Variants in GRID2 observed in about 807,000 individuals in gnomAD.
GRID2 encodes the protein glutamate ionotropic receptor delta type subunit 2, also known as glutamate receptor ionotropic, delta-2.
GRID2 carries 33 observed loss-of-function variants against 114.8 expected under a neutral mutation model. The ratio of observed to expected loss-of-function variants is 0.29; its 90% CI spans 0.22 to 0.38. The LOEUF is 0.38. Ranked by LOEUF, GRID2 falls within the 10% of genes least tolerant of loss-of-function variation. The pLI is 1.00. For missense variants in GRID2, 1,184 were observed against 1,257.7 expected, an observed-to-expected ratio of 0.94 and a Z score of 0.89; for synonymous variants, 505 against 449.9, an observed-to-expected ratio of 1.12 and a Z score of -1.55.
chr4:93,170,381 GC>G (rs887690096), intron 4 of GRID2, among the ~76,000 whole-genome samples: 31 of 151,578 alleles, frequency 2.0e-4, no homozygotes, highest in Non-Finnish European at 4.0e-4. Flanking sequence ...ACTGTGCTGG[GC>G]CCCCCCCTTT....
At chr4:93,199,386 C>T (rs952043042) in intron 4 of GRID2, among the ~76,000 whole-genome samples, 6 of 152,162 alleles carry the variant, frequency 3.9e-5, no homozygotes, top group Admixed American at 3.3e-4. Context: ...ATGATGAATG[C>T]AGTCTATCTC....
At chr4:93,158,499 T>C (rs1280541985) in intron 4 of GRID2, among the ~76,000 whole-genome samples, 2 of 151,716 alleles carry the variant, frequency 1.3e-5, no homozygotes, top group African/African-American at 4.8e-5. Context: ...ATGTGGTTTT[T>C]TAAAACTCTC....
At chr4:92,903,721 G>A (rs1747749842) in intron 2 of GRID2, among the ~76,000 whole-genome samples, 1 of 151,846 alleles carries the variant, frequency 6.6e-6, no homozygotes, top group Non-Finnish European at 1.5e-5. Context: ...TGTTTGAGGC[G>A]AGTTGATAAG....
intron 2 of GRID2, among the ~76,000 whole-genome samples, chr4:92,773,720 C>T (rs1009756980): frequency 2.0e-5 from 3 of 151,798 alleles, no homozygotes; most frequent in Admixed American, 2.0e-4. Context: ...TTTTATCTAT[C>T]TATTTTAAAG....
chr4:93,230,099 T>A (rs559651393), intron 7 of GRID2, among the ~76,000 whole-genome samples: 1 of 152,168 alleles, frequency 6.6e-6, no homozygotes, highest in South Asian at 2.1e-4. Context: ...TCTTCACACA[T>A]ATTTTCATTC....
chr4:92,738,570 T>A (rs1261740019), intron 2 of GRID2, among the ~76,000 whole-genome samples: 1 of 152,204 alleles, frequency 6.6e-6, no homozygotes, highest in African/African-American at 2.4e-5. Flanking sequence ...TTAATGTTTT[T>A]AAATTTTGAT....
intron 2 of GRID2, among the ~76,000 whole-genome samples, chr4:93,008,807 C>A (rs1721827547): frequency 6.6e-6 from 1 of 151,994 alleles, no homozygotes; most frequent in Non-Finnish European, 1.5e-5. Context: ...ATTTCTCCTT[C>A]CAAATGAATC....
At chr4:92,653,732 C>T (rs1275619016) in intron 2 of GRID2, among the ~76,000 whole-genome samples, 13 of 152,074 alleles carry the variant, frequency 8.5e-5, no homozygotes, top group Non-Finnish European at 1.5e-5. Context: ...GGAACAACAT[C>T]TTCACTATTT....
At chr4:92,408,189 A>G (rs1560611799) in intron 1 of GRID2, among the ~76,000 whole-genome samples, 1 of 152,218 alleles carries the variant, frequency 6.6e-6, no homozygotes, top group Non-Finnish European at 1.5e-5. Context: ...AGAACCATTT[A>G]TTGAATAGGG....
chr4:92,814,330 A>G (rs992021365), intron 2 of GRID2, among the ~76,000 whole-genome samples: 8 of 152,188 alleles, frequency 5.3e-5, no homozygotes, highest in South Asian at 2.1e-4. Flanking sequence ...ATTAGCTAGT[A>G]ATAACTAAAG....
At chr4:92,827,815 ATTAT>A (rs1741832453) in intron 2 of GRID2, among the ~76,000 whole-genome samples, 1 of 152,076 alleles carries the variant, frequency 6.6e-6, no homozygotes. Context: ...TATGTTTCAA[ATTAT>A]TTAACATAGA....
intron 13 of GRID2, among the ~76,000 whole-genome samples, chr4:93,573,805 A>C (rs1001382556): frequency 1.3e-5 from 2 of 152,146 alleles, no homozygotes; most frequent in African/African-American, 4.8e-5. Context: ...ACCACTGCAA[A>C]TAGAGTTCCA....
intron 1 of GRID2, among the ~76,000 whole-genome samples, chr4:92,339,781 A>C (rs977929628): frequency 6.6e-6 from 1 of 152,170 alleles, no homozygotes; most frequent in Non-Finnish European, 1.5e-5. Flanking sequence ...TTAATAACGA[A>C]ATAAAACTCG....
intron 13 of GRID2, among the ~76,000 whole-genome samples, chr4:93,540,542 AG>A (rs1480632917): frequency 6.6e-6 from 1 of 152,170 alleles, no homozygotes; most frequent in Non-Finnish European, 1.5e-5. Flanking sequence ...GAAAGACCTA[AG>A]GCAGGGTTGA....
chr4:93,798,767 C>T (rs1457101714), intron 1 of GRID2, among the ~76,000 whole-genome samples: 1 of 152,194 alleles, frequency 6.6e-6, no homozygotes, highest in Non-Finnish European at 1.5e-5. Flanking sequence ...TTTCCAATGC[C>T]TCTCCCCACC....
At chr4:92,672,669 A>G (rs1733132828) in intron 2 of GRID2, among the ~76,000 whole-genome samples, 1 of 151,998 alleles carries the variant, frequency 6.6e-6, no homozygotes, top group Non-Finnish European at 1.5e-5. Flanking sequence ...TTTCCCATCT[A>G]TTCTTCATTA....
At position 92,803,406 on chromosome 4, in the gene GRID2, T is replaced by C. The variant is rs1287250625; in HGVS notation, c.244+213120T>C. On this transcript the variant is annotated intron_variant, in intron 2 of 15. Coordinates refer to ENST00000282020, the MANE Select transcript of GRID2 (RefSeq NM_001510.4). ...ATAGAAGTTTAATTATTTATATAGA[T>C]TCAATGTTAAATATAACAAAGACGG... is the stretch of plus-strand genomic sequence containing the variant. Among the ~76,000 whole-genome samples, 6 of 152,144 alleles carry C rather than the reference T, an allele frequency of 3.9e-5. No homozygotes were observed. In the East Asian group the frequency reaches 1.2e-3, roughly 30 times the overall value.
chr4:93,081,508 T>G (rs1186871346), intron 2 of GRID2, among the ~76,000 whole-genome samples: 1 of 152,100 alleles, frequency 6.6e-6, no homozygotes, highest in Non-Finnish European at 1.5e-5. Flanking sequence ...CAATTGCTAT[T>G]AAAAATAATA....
chr4:92,842,521 A>G (rs1247222341), intron 2 of GRID2, among the ~76,000 whole-genome samples: 1 of 152,162 alleles, frequency 6.6e-6, no homozygotes, highest in Non-Finnish European at 1.5e-5. Flanking sequence ...AATGTTTCTA[A>G]AATTTGGGAA....
Sources: allele counts gnomAD v4.1 joint callset (sites outside exome capture counted in the v4.1 genomes callset), GRCh38; gene constraint gnomAD v4.1.1; transcripts MANE v1.5; gene names NCBI Gene and HGNC (gene_info 2026-07-23, HGNC 2026-07-21).